The following AP3D1 variants were observed in gnomAD, a reference collection of about 807,000 sequenced individuals.
The protein encoded by AP3D1 is adaptor related protein complex 3 subunit delta 1.
AP3D1 carries 51 observed loss-of-function variants against 147.6 expected under a neutral mutation model. The observed-to-expected ratio is 0.35, with a 90% CI of 0.28 to 0.44. The LOEUF is 0.44. Among genes scored for constraint, AP3D1 ranks in the 20% least tolerant of loss-of-function variants. The pLI is 1.00. For synonymous variants in AP3D1, 760 were observed against 663.0 expected (o/e 1.15, Z -2.25); for missense variants, 1,421 against 1,624.2 (o/e 0.87, Z 2.15).
intron 10 of AP3D1, 96 bp from the exon 11 acceptor site, chr19:2,123,502 C>T (rs2018665931): frequency 7.6e-7 from 1 of 1,309,520 alleles, no homozygotes; most frequent in African/African-American, 1.5e-5. Flanking sequence ...TGGCCTAAGG[C>T]CCGGCGTCAG....
At chr19:2,118,089 G>A (rs939827342) in intron 15 of AP3D1, among the ~76,000 whole-genome samples, 3 of 152,204 alleles carry the variant, frequency 2.0e-5, no homozygotes, top group Admixed American at 6.5e-5. Flanking sequence ...GAACCCAGGG[G>A]ATGGAGGTTG....
rs1048794241 is a variant in AP3D1 at position 2,102,104 on chromosome 19, C to T, written c.*69G>A. On this transcript the variant is annotated 3_prime_UTR_variant, in exon 32 of 32. Coordinates refer to ENST00000643116, the MANE Select transcript of AP3D1 (RefSeq NM_001261826.3). ...TACAGTACACACGACTGAGGAGAGGCGAGACACGTCAGGGCTGCGGTCCCT... is the reference window on the plus strand; with the variant it reads ...TACAGTACACACGACTGAGGAGAGGTGAGACACGTCAGGGCTGCGGTCCCT... 1.7e-5 allele frequency: 21 copies of T among 1,272,286 alleles called. No homozygotes were observed. Among genetic ancestry groups the T allele is most frequent in the Admixed American group, 1.5e-4 (9 of 58,350 alleles). 78.8% of individuals were successfully genotyped at this position (1,272,286 alleles called of 1,614,324 possible). A position where few individuals can be genotyped will look rare whatever the true frequency, so the allele number is the denominator to read the frequency against.
intron 30 of AP3D1, 75 bp downstream of exon 30, chr19:2,109,011 C>T (rs1196744919): frequency 5.7e-6 from 9 of 1,583,926 alleles, no homozygotes; most frequent in East Asian, 4.5e-5. Context: ...GCCACAGGCC[C>T]GGCTCCAATA....
At chr19:2,104,309 CG>C (rs2018046390) in intron 31 of AP3D1, among the ~76,000 whole-genome samples, 5 of 138,230 alleles carry the variant, frequency 3.6e-5, no homozygotes, top group South Asian at 2.3e-4. Flanking sequence ...GACACCAACA[CG>C]CAGACCCCAA....
chr19:2,140,624 G>T (rs550136747), intron 1 of AP3D1, among the ~76,000 whole-genome samples: 1 of 151,858 alleles, frequency 6.6e-6, no homozygotes, highest in African/African-American at 2.4e-5. Context: ...ACAGGTGTGC[G>T]CCACCACGCC....
intron 10 of AP3D1, 103 bp downstream of exon 10, chr19:2,123,727 G>T (rs918600010): frequency 2.9e-6 from 4 of 1,390,388 alleles, no homozygotes; most frequent in African/African-American, 1.4e-5. Context: ...GATGGCGTGG[G>T]GGGACCAGCA....
At position 2,115,254 on chromosome 19, in the gene AP3D1, G is replaced by A. The variant is rs765714440; in HGVS notation, c.2314C>T (p.Gln772Ter). 1.2e-6 allele frequency: 2 copies of A among 1,613,376 alleles called. No homozygotes were observed. Reference sequence around the variant, plus strand: ...TCCTCTGTGACGATGTCCACCTGCTGGGCAGGGGCGATGTCCTCGTCGCTC... The same window carrying A: ...TCCTCTGTGACGATGTCCACCTGCTAGGCAGGGGCGATGTCCTCGTCGCTC... ...TESDEDIAPA[Q>*]QVDIVTEEMP... Residue 772 changes from glutamine to a stop codon, truncating the protein, a stop_gained, in exon 20 of 32, where the codon CAG (glutamine) becomes TAG (stop). Transcript: ENST00000643116. LOFTEE classifies it high-confidence loss of function.
At chr19:2,133,230 G>A (rs1392206104) in intron 4 of AP3D1, among the ~76,000 whole-genome samples, 2 of 152,274 alleles carry the variant, frequency 1.3e-5, no homozygotes, top group Non-Finnish European at 2.9e-5. Flanking sequence ...GAAGGGCCCA[G>A]GAACAGCTCC....
chr19:2,120,873 C>G lies in AP3D1; in HGVS notation c.1470G>C (p.Gly490=), dbSNP rs2145066575. ...EVLYAAAWIC[G]EFSEHLQEPH... is the part of the protein sequence containing the mutation. ...CAGCGCCCACTCACTCTGAGAACTC[C>G]CCGCAGATCCAGGCGGCAGCGTACA... Residue 490 remains glycine, a synonymous_variant, in exon 14 of 32, where the codon GGG becomes GGC. Transcript: ENST00000643116. 6.2e-7 allele frequency: 1 copy of G among 1,608,474 alleles called. No individual in the cohort carries two copies.
rs534158864 is a variant in AP3D1, at chr19:2,129,244, CAGGGAATGCCCCACACAGGGTG to C, written c.732+52_732+73del. ...GGACAGGGGGGGCCTCGGTCACCCGCAGGGAATGCCCCACACAGGGTGAGGGAATGCCCCACACAGGGTGAGG... is the reference window on the plus strand; with the variant it reads ...GGACAGGGGGGGCCTCGGTCACCCGCAGGGAATGCCCCACACAGGGTGAGG... On this transcript the variant is annotated intron_variant, in intron 7 of 31. Transcript: ENST00000643116. 5.0e-3 allele frequency: 8,035 copies of C among 1,612,108 alleles called. 45 individuals are homozygous for C. Among genetic ancestry groups the C allele is most frequent in the Middle Eastern group, 0.015 (90 of 5,916 alleles).
chr19:2,162,037 T>G (rs961924183), intron 1 of AP3D1, among the ~76,000 whole-genome samples: 4 of 147,652 alleles, frequency 2.7e-5, no homozygotes, highest in Admixed American at 1.3e-4. Flanking sequence ...CATTGAGTTT[T>G]TTTTTTTTTT....
At chr19:2,125,846 A>C (rs772394693) in intron 9 of AP3D1, among the ~76,000 whole-genome samples, 18 of 151,526 alleles carry the variant, frequency 1.2e-4, no homozygotes, top group Non-Finnish European at 2.5e-4. Flanking sequence ...AAAAAAAAAA[A>C]CAAAAGAGAT....
chr19:2,143,791 T>C (rs537504076), intron 1 of AP3D1, among the ~76,000 whole-genome samples: 1 of 148,568 alleles, frequency 6.7e-6, no homozygotes, highest in African/African-American at 2.5e-5. Context: ...AGGAAATAAA[T>C]GAAAGTGCTG....
intron 1 of AP3D1, among the ~76,000 whole-genome samples, chr19:2,146,443 A>C (rs1465830757): frequency 6.6e-6 from 1 of 152,078 alleles, no homozygotes; most frequent in Non-Finnish European, 1.5e-5. Context: ...GTCTCTGCTA[A>C]AAATACAAAA....
intron 11 of AP3D1, among the ~76,000 whole-genome samples, 170 bp downstream of exon 11, chr19:2,123,188 G>A (rs1438779827): frequency 2.0e-5 from 3 of 152,146 alleles, no homozygotes; most frequent in Non-Finnish European, 4.4e-5. Flanking sequence ...CGGGGTGCAA[G>A]GGCGCCACAG....
intron 4 of AP3D1, 96 bp from the exon 5 acceptor site, chr19:2,132,674 G>T: frequency 1.0e-6 from 1 of 1,003,398 alleles, no homozygotes; most frequent in South Asian, 1.4e-5. Context: ...ATTCTCCCAG[G>T]ATGCCCCAGG....
intron 4 of AP3D1, among the ~76,000 whole-genome samples, chr19:2,134,337 C>T (rs1294763834): frequency 6.6e-6 from 1 of 151,898 alleles, no homozygotes; most frequent in East Asian, 1.9e-4. Context: ...GGGGAGATCG[C>T]TTGAGCCTAG....
intron 1 of AP3D1, among the ~76,000 whole-genome samples, chr19:2,158,357 GT>G (rs556426847): frequency 1.7e-3 from 228 of 135,614 alleles, no homozygotes; most frequent in Admixed American, 1.8e-3. Context: ...TGCTCGACCT[GT>G]TTTTTTTTTT....
chr19:2,106,489 T>C (rs2144995946), intron 31 of AP3D1, among the ~76,000 whole-genome samples: 1 of 152,132 alleles, frequency 6.6e-6, no homozygotes, highest in African/African-American at 2.4e-5. Context: ...GCGGAGGTTG[T>C]GGTGAGCCCT....
Sources: allele counts gnomAD v4.1 joint callset (sites outside exome capture counted in the v4.1 genomes callset), GRCh38; gene constraint gnomAD v4.1.1; transcripts MANE v1.5; gene names NCBI Gene and HGNC (gene_info 2026-07-23, HGNC 2026-07-21).